The following PPP2R5C variants were observed in gnomAD, a reference collection of about 807,000 sequenced individuals.
PPP2R5C encodes protein phosphatase 2 regulatory subunit B'gamma, also known as serine/threonine-protein phosphatase 2A 56 kDa regulatory subunit gamma isoform.
Under a neutral mutation model 68.9 loss-of-function variants are expected in PPP2R5C, and 7 were observed. The ratio of observed to expected loss-of-function variants is 0.10; its 90% CI spans 0.06 to 0.19. PPP2R5C has a LOEUF of 0.19. Ranked by LOEUF, PPP2R5C falls within the 10% of genes least tolerant of loss-of-function variation. The pLI is 1.00. For missense variants in PPP2R5C, 348 were observed against 641.3 expected (o/e 0.54, Z 4.94); for synonymous variants, 210 against 222.2 (o/e 0.95, Z 0.49).
chr14:101,790,853 G>A (rs1159728823), intron 3 of PPP2R5C, among the ~76,000 whole-genome samples: 2 of 152,356 alleles, frequency 1.3e-5, no homozygotes, highest in Non-Finnish European at 1.5e-5. Flanking sequence ...GGCCGAGGCG[G>A]GCGGATCATG....
intron 11 of PPP2R5C, among the ~76,000 whole-genome samples, chr14:101,910,664 C>G (rs970631003): frequency 2.6e-5 from 4 of 152,082 alleles, no homozygotes; most frequent in Non-Finnish European, 4.4e-5. Context: ...AACCCCATCT[C>G]TACTAAAAAA....
In PPP2R5C at chr14:101,765,111, G is replaced by A. The variant is rs2036782719; in HGVS notation, c.93+2141G>A. 27 of 701,980 alleles carry A rather than the reference G, an allele frequency of 3.8e-5. No homozygotes were observed. The East Asian group carries it at 7.2e-4, about 19-fold the overall frequency. 43.5% of individuals were successfully genotyped at this position (701,980 alleles called of 1,614,324 possible). ...TGAGACCTGCGGTGTGGCCTGCAGT[G>A]CCTGAGTATGATGCCCCACTTGTCT... On this transcript the variant is annotated intron_variant, in intron 2 of 14. Coordinates refer to the PPP2R5C transcript ENST00000328724.
chr14:101,798,450 A>G (rs1351949370), intron 3 of PPP2R5C, among the ~76,000 whole-genome samples: 2 of 152,248 alleles, frequency 1.3e-5, no homozygotes, highest in Non-Finnish European at 2.9e-5. Flanking sequence ...AAACAGTGAC[A>G]GAGGGATCAA....
intron 1 of PPP2R5C, among the ~76,000 whole-genome samples, chr14:101,854,646 G>T (rs2042319742): frequency 6.6e-6 from 1 of 152,062 alleles, no homozygotes; most frequent in Non-Finnish European, 1.5e-5. Flanking sequence ...ACACCCCGCC[G>T]CCCCCAGGAC....
At chr14:101,912,298 G>A (rs550242473) in intron 11 of PPP2R5C, 103 bp from the exon 14 acceptor site, 9 of 928,004 alleles carry the variant, frequency 9.7e-6, no homozygotes, top group Admixed American at 6.3e-5. Flanking sequence ...GGGGCTGCGG[G>A]AGGAGCCGCT....
At chr14:101,792,744 G>A (rs905280147) in intron 3 of PPP2R5C, among the ~76,000 whole-genome samples, 8 of 152,016 alleles carry the variant, frequency 5.3e-5, no homozygotes, top group Admixed American at 2.6e-4. Flanking sequence ...AGGGTAGCTC[G>A]TGTGTTTTTT....
chr14:101,865,073 C>T (rs2042973829), intron 2 of PPP2R5C, among the ~76,000 whole-genome samples: 2 of 152,102 alleles, frequency 1.3e-5, no homozygotes, highest in African/African-American at 4.8e-5. Flanking sequence ...GGAACCAACG[C>T]GCAGGTTTCT....
intron 13 of PPP2R5C, among the ~76,000 whole-genome samples, chr14:101,918,177 A>AGTATGTGCCTGAGATGTGTAT (rs2046791196): frequency 8.7e-6 from 1 of 115,420 alleles, no homozygotes. Flanking sequence ...CCATTTACTA[A>AGTATGTGCCTGAGATGTGTAT]CAGCAGTAGT....
At chr14:101,878,011 A>G (rs2043897090) in intron 2 of PPP2R5C, among the ~76,000 whole-genome samples, 1 of 152,328 alleles carries the variant, frequency 6.6e-6, no homozygotes, top group Admixed American at 6.5e-5. Flanking sequence ...TAGAGGCTGG[A>G]AAGTCTAAAC....
intron 1 of PPP2R5C, among the ~76,000 whole-genome samples, chr14:101,762,323 TG>T (rs2036592287): frequency 1.3e-5 from 2 of 151,420 alleles, no homozygotes; most frequent in African/African-American, 2.4e-5. Flanking sequence ...GCTTCAGGGA[TG>T]GGGGCTGTAG....
Position 101,893,404 on chromosome 14 carries a change from A to T in PPP2R5C, c.798+296A>T, listed in dbSNP as rs895422806. 2.0e-5 allele frequency among the ~76,000 whole-genome samples: 3 copies of T among 152,224 alleles called. No homozygotes were observed. In the East Asian group the frequency reaches 5.8e-4, roughly 29 times the overall value. ...AGAGGAGTTTTCTGTAGTGTAATCT[A>T]AAATTCAGTACCTTAAAGAGAAAAG... On this transcript the variant is annotated intron_variant, in intron 7 of 13. Coordinates refer to ENST00000334743, the Ensembl canonical transcript of PPP2R5C.
At chr14:101,886,709 TTTTTCTTTTC>T (rs761421612) in intron 5 of PPP2R5C, among the ~76,000 whole-genome samples, 2 of 151,978 alleles carry the variant, frequency 1.3e-5, no homozygotes, top group African/African-American at 4.8e-5. Context: ...CATCTAGGTT[TTTTTCTTTTC>T]TTTTCTTTTC....
At chr14:101,850,684 G>A (rs188270983) in intron 1 of PPP2R5C, among the ~76,000 whole-genome samples, 6 of 152,314 alleles carry the variant, frequency 3.9e-5, no homozygotes, top group Admixed American at 2.0e-4. Flanking sequence ...GGTGCAGGAT[G>A]AGGCAGTGGC....
At chr14:101,855,426 T>G (rs1202419876) in intron 1 of PPP2R5C, among the ~76,000 whole-genome samples, 1 of 152,184 alleles carries the variant, frequency 6.6e-6, no homozygotes, top group Non-Finnish European at 1.5e-5. Flanking sequence ...TGCTTTGATA[T>G]TACACCAAAA....
chr14:101,766,783 G>A (rs1288533404), intron 2 of PPP2R5C: 6 of 152,194 alleles, frequency 3.9e-5, no homozygotes, highest in African/African-American at 7.2e-5. Context: ...GATTGACAAA[G>A]GAGACTCACT....
chr14:101,840,927 C>G (rs1035627709), intron 1 of PPP2R5C, among the ~76,000 whole-genome samples: 2 of 152,166 alleles, frequency 1.3e-5, no homozygotes, highest in South Asian at 2.1e-4. Flanking sequence ...TTGGTTGCTT[C>G]CATTAGTTGC....
At chr14:101,892,162 G>A (rs900301070) in intron 6 of PPP2R5C, among the ~76,000 whole-genome samples, 6 of 152,144 alleles carry the variant, frequency 3.9e-5, no homozygotes, top group African/African-American at 1.4e-4. Flanking sequence ...TCACCATCTT[G>A]GCCAGGCTGG....
At chr14:101,782,769 CCT>C (rs1227954662) in intron 2 of PPP2R5C, among the ~76,000 whole-genome samples, 3 of 9,232 alleles carry the variant, frequency 3.2e-4, no homozygotes. Flanking sequence ...CTCTCTCTCC[CCT>C]CTCTCTTTCT....
upstream of PPP2R5C, chr14:101,809,820 C>T: frequency 7.1e-7 from 1 of 1,416,586 alleles, no homozygotes; most frequent in East Asian, 2.7e-5. Context: ...TGCCTGCTGA[C>T]ATCACGAACC....
Sources: gnomAD v4.1 joint callset for allele counts (sites outside exome capture counted in the v4.1 genomes callset) on GRCh38, gnomAD v4.1.1 for gene constraint, MANE v1.5 for transcripts, NCBI Gene and HGNC (gene_info 2026-07-23, HGNC 2026-07-21) for gene names.